NMNAT2: variants seen among roughly 807,000 people sequenced by gnomAD.
The protein encoded by NMNAT2 is nicotinamide/nicotinic acid mononucleotide adenylyltransferase 2.
Under a neutral mutation model 41.6 loss-of-function variants are expected in NMNAT2, and 11 were observed. The observed-to-expected ratio is 0.26, with a 90% CI of 0.17 to 0.44. The LOEUF (loss-of-function observed/expected upper bound fraction) is 0.44, where lower values mean the gene tolerates loss of function less well. NMNAT2 is among the 20% of genes least tolerant of loss of function. The probability of loss-of-function intolerance (pLI) is 1.00; values close to 1 mark genes in which losing one functional copy is unlikely to be tolerated. For missense variants in NMNAT2, 288 were observed against 407.7 expected (o/e 0.71, Z 2.53); for synonymous variants, 148 against 151.2 (o/e 0.98, Z 0.16).
intron 1 of NMNAT2, among the ~76,000 whole-genome samples, chr1:183,340,903 C>A (rs1412483678): frequency 6.6e-6 from 1 of 152,210 alleles, no homozygotes; most frequent in Non-Finnish European, 1.5e-5. Flanking sequence ...GATTATTAGA[C>A]TAATATGCTT....
chr1:183,384,549 C>G (rs1648126056), intron 1 of NMNAT2, among the ~76,000 whole-genome samples: 1 of 152,174 alleles, frequency 6.6e-6, no homozygotes, highest in Non-Finnish European at 1.5e-5. Context: ...CTCGCAATCA[C>G]AAGAACGGCA....
At chr1:183,274,738 C>A (rs1661079964) in intron 8 of NMNAT2, among the ~76,000 whole-genome samples, 1 of 149,876 alleles carries the variant, frequency 6.7e-6, no homozygotes, top group Non-Finnish European at 1.5e-5. Flanking sequence ...TCGAGACCAG[C>A]CTGGGCAACA....
At chr1:183,362,261 A>G (rs1274805191) in intron 1 of NMNAT2, among the ~76,000 whole-genome samples, 2 of 152,214 alleles carry the variant, frequency 1.3e-5, no homozygotes, top group African/African-American at 2.4e-5. Flanking sequence ...TTATTGAGAC[A>G]TAATTCACAT....
At chr1:183,386,519 A>G (rs575387781) in intron 1 of NMNAT2, among the ~76,000 whole-genome samples, 62 of 152,196 alleles carry the variant, frequency 4.1e-4, no homozygotes, top group Non-Finnish European at 8.5e-4. Flanking sequence ...AATTTAACAC[A>G]AACATAATAA....
intron 1 of NMNAT2, among the ~76,000 whole-genome samples, chr1:183,398,862 G>A (rs1207406868): frequency 1.3e-5 from 2 of 152,168 alleles, no homozygotes; most frequent in Admixed American, 6.6e-5. Flanking sequence ...TTTGAAACCA[G>A]TGAGAACAAA....
intron 10 of NMNAT2, 82 bp from the exon 11 acceptor site, chr1:183,252,825 C>T: frequency 1.0e-6 from 1 of 1,000,198 alleles, no homozygotes; most frequent in Non-Finnish European, 1.6e-6. Context: ...GTCTCCCCAG[C>T]ACCCCATTTG....
At chr1:183,417,714 G>A (rs1649295616) in intron 1 of NMNAT2, among the ~76,000 whole-genome samples, 1 of 152,190 alleles carries the variant, frequency 6.6e-6, no homozygotes, top group South Asian at 2.1e-4. Context: ...GCGCGAGTGT[G>A]TTTGCGAATC....
At chr1:183,396,926 G>A (rs1648666929) in intron 1 of NMNAT2, among the ~76,000 whole-genome samples, 1 of 152,152 alleles carries the variant, frequency 6.6e-6, no homozygotes. Flanking sequence ...ATAGTTTGGT[G>A]CCATGTGACT....
At chr1:183,298,721 G>T (rs1360540255) in intron 1 of NMNAT2, among the ~76,000 whole-genome samples, 1 of 152,042 alleles carries the variant, frequency 6.6e-6, no homozygotes, top group Non-Finnish European at 1.5e-5. Context: ...AATTTATTTG[G>T]GTGATCATGC....
chr1:183,392,677 G>A (rs754390240), intron 1 of NMNAT2, among the ~76,000 whole-genome samples: 1 of 152,122 alleles, frequency 6.6e-6, no homozygotes, highest in Non-Finnish European at 1.5e-5. Context: ...AGCCTTGTTG[G>A]CTTCTTGGAC....
intron 1 of NMNAT2, among the ~76,000 whole-genome samples, chr1:183,323,157 C>T (rs373024869): frequency 1.3e-5 from 2 of 152,174 alleles, no homozygotes; most frequent in Non-Finnish European, 2.9e-5. Context: ...GTCTCGAACT[C>T]CTGACCTCAG....
At chr1:183,254,134 C>T (rs1177882581) in intron 10 of NMNAT2, among the ~76,000 whole-genome samples, 1 of 152,086 alleles carries the variant, frequency 6.6e-6, no homozygotes, top group East Asian at 1.9e-4. Context: ...TATGACAGTT[C>T]CGTTTTTAAT....
intron 1 of NMNAT2, among the ~76,000 whole-genome samples, chr1:183,296,599 G>A (rs866783341): frequency 4.0e-4 from 61 of 151,740 alleles, no homozygotes; most frequent in African/African-American, 1.4e-3. Flanking sequence ...TGCAACCTCC[G>A]CCTCCTGGGT....
chr1:183,257,849 CTATT>C (rs1343845434), intron 10 of NMNAT2, among the ~76,000 whole-genome samples: 4 of 149,950 alleles, frequency 2.7e-5, no homozygotes, highest in South Asian at 4.2e-4. Context: ...TTTCTATTCT[CTATT>C]TAGTTTTGCT....
intron 8 of NMNAT2, among the ~76,000 whole-genome samples, chr1:183,265,915 G>T (rs746621056): frequency 1.7e-4 from 26 of 152,214 alleles, no homozygotes; most frequent in Non-Finnish European, 3.1e-4. Flanking sequence ...AAGAGGCAGA[G>T]GGAGATTGGA....
chr1:183,346,957 C>T (rs954215461), intron 1 of NMNAT2, among the ~76,000 whole-genome samples: 11 of 152,176 alleles, frequency 7.2e-5, no homozygotes, highest in African/African-American at 2.4e-4. Flanking sequence ...GAAACCCACC[C>T]TACTCTTCAA....
intron 1 of NMNAT2, among the ~76,000 whole-genome samples, chr1:183,318,619 T>G (rs1361324437): frequency 6.6e-6 from 1 of 152,182 alleles, no homozygotes; most frequent in African/African-American, 2.4e-5. Context: ...CAGGACAGAA[T>G]CATTGCACAA....
intron 1 of NMNAT2, among the ~76,000 whole-genome samples, chr1:183,350,166 G>A (rs1454578630): frequency 6.6e-6 from 1 of 152,202 alleles, no homozygotes; most frequent in African/African-American, 2.4e-5. Flanking sequence ...GATCACTGTA[G>A]AGGGTGGTAA....
intron 1 of NMNAT2, among the ~76,000 whole-genome samples, chr1:183,311,377 A>G (rs1662114697): frequency 6.6e-6 from 1 of 152,186 alleles, no homozygotes; most frequent in Non-Finnish European, 1.5e-5. Flanking sequence ...TAATTCAGAA[A>G]AGAAGCAGTA....
Sources: allele counts gnomAD v4.1 joint callset (sites outside exome capture counted in the v4.1 genomes callset), GRCh38; gene constraint gnomAD v4.1.1; transcripts MANE v1.5; gene names NCBI Gene and HGNC (gene_info 2026-07-23, HGNC 2026-07-21).